Variants in SLC44A5 observed in about 807,000 individuals in gnomAD.
SLC44A5 encodes the protein choline transporter-like protein 5.
A neutral mutation model predicts 101.8 loss-of-function variants in SLC44A5; 57 were observed. That is an observed-to-expected ratio of 0.56 (90% confidence interval 0.45 to 0.70). SLC44A5 has a LOEUF of 0.70. Ranked by LOEUF, SLC44A5 falls within the 30% of genes least tolerant of loss-of-function variation. The pLI is 0.00. For missense variants in SLC44A5, 737 were observed against 853.1 expected (o/e 0.86, Z 1.70); for synonymous variants, 281 against 290.9 (o/e 0.97, Z 0.35).
At chr1:75,214,080 T>C in intron 20 of SLC44A5, 91 bp from the exon 21 acceptor site, 1 of 802,636 alleles carries the variant, frequency 1.2e-6, no homozygotes, top group Admixed American at 2.4e-5. Flanking sequence ...TGAGTTTATT[T>C]TGGTGTGTCT....
At chr1:75,422,541 C>T (rs1352764446) in intron 2 of SLC44A5, among the ~76,000 whole-genome samples, 1 of 152,114 alleles carries the variant, frequency 6.6e-6, no homozygotes, top group African/African-American at 2.4e-5. Context: ...AATCGGTATC[C>T]TGCACCAACT....
chr1:75,266,100 G>C (rs1464374764), intron 6 of SLC44A5, among the ~76,000 whole-genome samples: 1 of 152,032 alleles, frequency 6.6e-6, no homozygotes, highest in African/African-American at 2.4e-5. Context: ...GTTAGATAAA[G>C]CACAAAAGGC....
intron 2 of SLC44A5, among the ~76,000 whole-genome samples, chr1:75,442,118 T>G (rs1043654357): frequency 1.2e-4 from 19 of 152,168 alleles, no homozygotes; most frequent in Non-Finnish European, 2.9e-5. Context: ...GAGATAGCTT[T>G]GTAAGGACAA....
chr1:75,330,752 C>T (rs1656989888), intron 4 of SLC44A5, among the ~76,000 whole-genome samples: 4 of 152,120 alleles, frequency 2.6e-5, no homozygotes, highest in Admixed American at 2.6e-4. Flanking sequence ...CTAGATTCAC[C>T]TCACAATCTC....
chr1:75,322,979 T>C (rs1656285448), intron 4 of SLC44A5, among the ~76,000 whole-genome samples: 1 of 151,936 alleles, frequency 6.6e-6, no homozygotes, highest in African/African-American at 2.4e-5. Flanking sequence ...TTAGGGTACA[T>C]GTGCACATTG....
chr1:75,585,457 G>T (rs1373636699), intron 1 of SLC44A5, among the ~76,000 whole-genome samples: 1 of 152,120 alleles, frequency 6.6e-6, no homozygotes, highest in African/African-American at 2.4e-5. Context: ...TATACAAAAA[G>T]AATACCCACT....
chr1:75,465,562 A>G (rs1157756439), intron 2 of SLC44A5, among the ~76,000 whole-genome samples: 2 of 152,082 alleles, frequency 1.3e-5, no homozygotes, highest in Non-Finnish European at 2.9e-5. Context: ...AATTGAGATG[A>G]AGAAAACAAT....
intron 3 of SLC44A5, among the ~76,000 whole-genome samples, chr1:75,361,244 T>C (rs1321192772): frequency 7.2e-5 from 11 of 152,172 alleles, no homozygotes; most frequent in Admixed American, 7.2e-4. Flanking sequence ...TATAAGATCA[T>C]GTCATTAGCA....
intron 4 of SLC44A5, among the ~76,000 whole-genome samples, chr1:75,323,091 CTCCCCCCACCCCACAACAG>C (rs975982454): frequency 6.1e-5 from 8 of 130,902 alleles, no homozygotes; most frequent in African/African-American, 2.3e-4. Flanking sequence ...TCCCTCCCGC[CTCCCCCCACCCCACAACAG>C]TCCCCAGAGT....
chr1:75,356,348 T>C (rs1005865638), intron 3 of SLC44A5, among the ~76,000 whole-genome samples: 2 of 151,968 alleles, frequency 1.3e-5, no homozygotes, highest in African/African-American at 4.8e-5. Context: ...GTGATATTGG[T>C]AATCCTGACC....
At chr1:75,627,119 A>T in the SLC44A5 span, among the ~76,000 whole-genome samples, 1 of 152,170 alleles carries the variant, frequency 6.6e-6, no homozygotes, top group African/African-American at 2.4e-5. Context: ...TCTGAGAAGT[A>T]ATGGTTCCCT....
chr1:75,269,377 C>T (rs909899130), intron 6 of SLC44A5, among the ~76,000 whole-genome samples: 1 of 151,946 alleles, frequency 6.6e-6, no homozygotes, highest in African/African-American at 2.4e-5. Context: ...ATTTATCTTT[C>T]AACTTTGTTT....
At chr1:75,594,435 A>G (rs897695506) in intron 1 of SLC44A5, among the ~76,000 whole-genome samples, 3 of 152,054 alleles carry the variant, frequency 2.0e-5, no homozygotes, top group African/African-American at 7.2e-5. Flanking sequence ...TTTGTATTAT[A>G]TTATCTGACT....
rs1263106779 is a variant in SLC44A5, at chr1:75,203,628, A to G, written c.*99T>C. ...TGCAAGCCAACAAGGTCGTGAATAC[A>G]GTGTTGCTAAACACAAAGCACTTAT... is the stretch of plus-strand genomic sequence containing the variant. On this transcript the variant is annotated 3_prime_UTR_variant, in exon 24 of 24. Transcript: ENST00000370859. The G allele has an allele frequency of 1.4e-6, 2 of 1,379,534 alleles. No homozygotes were observed. Among genetic ancestry groups the G allele is most frequent in the Non-Finnish European group, 1.9e-6 (2 of 1,037,276 alleles). The allele number at this position is 1,379,534 out of a possible 1,614,324, so 85.5% of individuals were successfully genotyped here.
At chr1:75,590,833 G>A (rs957911845) in intron 1 of SLC44A5, among the ~76,000 whole-genome samples, 14 of 152,154 alleles carry the variant, frequency 9.2e-5, no homozygotes, top group Admixed American at 8.5e-4. Flanking sequence ...TCTAGTGCCT[G>A]ACTCCCAGAT....
intron 2 of SLC44A5, among the ~76,000 whole-genome samples, chr1:75,447,622 T>C (rs1243805757): frequency 2.6e-5 from 4 of 152,082 alleles, no homozygotes; most frequent in Non-Finnish European, 4.4e-5. Flanking sequence ...GTGTAGAGCA[T>C]GTAAACCCTT....
rs940602867 is a variant in SLC44A5 at position 75,218,660 on chromosome 1, G to T, written c.1359C>A (p.Ile453=). The T allele has an allele frequency of 6.6e-5, 106 of 1,613,674 alleles. No homozygotes were observed. The highest frequency in any genetic ancestry group is 8.9e-5 in the Non-Finnish European group (105 of 1,179,774). ...YGGKSLYHQY[I]PTFHVYNLFV... ...ATAAGTTGTATACATGGAAGGTAGG[G>T]ATGTACTGATGGTACAAGCTCTTTC... Residue 453 remains isoleucine (I), a synonymous_variant, in exon 17 of 24, where the codon ATC becomes ATA. Transcript: ENST00000370859.
At chr1:75,525,335 C>A (rs1670351543) in intron 2 of SLC44A5, among the ~76,000 whole-genome samples, 2 of 152,092 alleles carry the variant, frequency 1.3e-5, no homozygotes, top group South Asian at 2.1e-4. Context: ...TGTGATGTAA[C>A]ATGAAATAAG....
chr1:75,551,865 C>T (rs1238263766), intron 1 of SLC44A5, among the ~76,000 whole-genome samples: 1 of 152,076 alleles, frequency 6.6e-6, no homozygotes, highest in East Asian at 1.9e-4. Flanking sequence ...TTTTTTAAAT[C>T]ATATGCAACT....
Sources: gnomAD v4.1 joint callset for allele counts (sites outside exome capture counted in the v4.1 genomes callset) on GRCh38, gnomAD v4.1.1 for gene constraint, MANE v1.5 for transcripts, NCBI Gene and HGNC (gene_info 2026-07-23, HGNC 2026-07-21) for gene names.